The following FRA10AC1 variants were observed in gnomAD, a reference collection of about 807,000 sequenced individuals.
FRA10AC1 encodes the protein FRA10A associated CGG repeat 1.
A neutral mutation model predicts 56.5 loss-of-function variants in FRA10AC1; 43 were observed. That is an observed-to-expected ratio of 0.76 (90% CI 0.60 to 0.98). FRA10AC1 has a LOEUF of 0.98. Ranked by LOEUF, FRA10AC1 falls within the 50% of genes least tolerant of loss-of-function variation. The probability of loss-of-function intolerance (pLI) is 0.00; values close to 1 mark genes in which losing one functional copy is unlikely to be tolerated. For synonymous variants in FRA10AC1, 112 were observed against 110.5 expected, an observed-to-expected ratio of 1.01 and a Z score of -0.09; for missense variants, 346 against 351.8, an observed-to-expected ratio of 0.98 and a Z score of 0.13.
In FRA10AC1 at chr10:93,668,762, G is replaced by GGGGAAACC. The variant is rs1322351195; in HGVS notation, c.*1056_*1063dup. 6.6e-6 allele frequency: 1 copy of GGGGAAACC among 152,096 alleles called. No homozygotes were observed. The highest frequency in any genetic ancestry group is 2.4e-5 in the African/African-American group (1 of 41,398). 9.4% of individuals were successfully genotyped at this position (152,096 alleles called of 1,614,324 possible). A position where few individuals can be genotyped will look rare whatever the true frequency, so the allele number is the denominator to read the frequency against. On this transcript the variant is annotated 3_prime_UTR_variant, in exon 14 of 14. Transcript: ENST00000359204. ...TATTCACTACCACAAGAACAATATG[G>GGGGAAACC]GGGAAACCGCCCCCTTGATTCAAAT...
intron 8 of FRA10AC1, among the ~76,000 whole-genome samples, chr10:93,686,019 A>G (rs954297618): frequency 2.6e-5 from 4 of 151,834 alleles, no homozygotes. Flanking sequence ...CCAAAAAAAG[A>G]CTAACTGATA....
At chr10:93,675,277 A>G (rs775178314) in intron 12 of FRA10AC1, 10 of 152,196 alleles carry the variant, frequency 6.6e-5, no homozygotes, top group Non-Finnish European at 1.0e-4. Flanking sequence ...TCTTGTTAAG[A>G]ATTATACTAA....
In FRA10AC1 at chr10:93,694,856, CTT is replaced by C. The variant is rs1303789154; in HGVS notation, c.296+3_296+4del. On this transcript the variant is annotated splice_donor_region_variant and intron_variant, in intron 5 of 13. Coordinates refer to ENST00000359204, the MANE Select transcript of FRA10AC1 (RefSeq NM_145246.5). ...TCCCTTCTATGTAAACTTCCTGATA[CTT>C]ACCCCAAACGCTTGAAGTCTTCTTT... 6.6e-7 allele frequency: 1 copy of C among 1,519,968 alleles called. No individual in the cohort carries two copies. Among genetic ancestry groups the C allele is most frequent in the Admixed American group, 1.7e-5 (1 of 58,114 alleles). The allele number at this position is 1,519,968 out of a possible 1,614,324, so 94.2% of individuals were successfully genotyped here.
chr10:93,701,895 C>T (rs2133951230), intron 1 of FRA10AC1, among the ~76,000 whole-genome samples: 1 of 151,956 alleles, frequency 6.6e-6, no homozygotes, highest in Admixed American at 6.6e-5. Flanking sequence ...GTTCCTTAAC[C>T]TCTCCAAGCC....
At chr10:93,670,605 T>C (rs1296252138) in intron 13 of FRA10AC1, among the ~76,000 whole-genome samples, 165 bp downstream of exon 13, 1 of 152,146 alleles carries the variant, frequency 6.6e-6, no homozygotes, top group African/African-American at 2.4e-5. Flanking sequence ...ATGTGTTGGC[T>C]GCTTATGACA....
intron 12 of FRA10AC1, chr10:93,674,663 T>C (rs181487571): frequency 6.6e-6 from 1 of 152,126 alleles, no homozygotes; most frequent in East Asian, 1.9e-4. Context: ...TAAAAGAGCA[T>C]TAAGGGCTAT....
chr10:93,680,079 A>G (rs952338571), intron 11 of FRA10AC1, among the ~76,000 whole-genome samples: 5 of 152,152 alleles, frequency 3.3e-5, no homozygotes, highest in African/African-American at 4.8e-5. Context: ...CCTGAACCTG[A>G]GCATTCATCT....
chr10:93,672,072 C>T, intron 12 of FRA10AC1: 1 of 450,904 alleles, frequency 2.2e-6, no homozygotes, highest in South Asian at 1.6e-5. Flanking sequence ...CAACTCCTCT[C>T]CAATAATGAT....
At chr10:93,676,588 A>T in intron 12 of FRA10AC1, 65 bp downstream of exon 12, 2 of 1,492,932 alleles carry the variant, frequency 1.3e-6, no homozygotes, top group South Asian at 1.3e-5. Context: ...GATACGATTC[A>T]TGGGAAATCT....
chr10:93,702,516 A>ACCGCCGCCGCCGCCGCCGCCG lies in FRA10AC1; in HGVS notation c.-143_-142insCGGCGGCGGCGGCGGCGGCGG, dbSNP rs1346769827. The stretch of plus-strand genomic sequence containing the variant: ...CGCCCTGCCGCACAGCCTCGCCACA[A>ACCGCCGCCGCCGCCGCCGCCG]CCACCACCGCCGCCGCCGCCGCCGC... On this transcript the variant is annotated 5_prime_UTR_variant, in exon 1 of 14. Transcript: ENST00000359204. 2 of 151,816 alleles carry ACCGCCGCCGCCGCCGCCGCCG rather than the reference A, an allele frequency of 1.3e-5. No homozygotes were observed. The highest frequency in any genetic ancestry group is 3.0e-4 in the East Asian group (1 of 3,314). The allele number at this position is 151,816 out of a possible 1,614,324, so 9.4% of individuals were successfully genotyped here. A position where few individuals can be genotyped will look rare whatever the true frequency, so the allele number is the denominator to read the frequency against.
At position 93,678,616 on chromosome 10, in the gene FRA10AC1, A is replaced by G. The variant is rs115235882; in HGVS notation, c.788-1925T>C. 8.7e-3 allele frequency among the ~76,000 whole-genome samples: 1,317 copies of G among 152,246 alleles called. 24 individuals carry two copies. The highest frequency in any genetic ancestry group is 0.03 in the African/African-American group (1,236 of 41,556). On this transcript the variant is annotated intron_variant, in intron 11 of 13. Transcript: ENST00000359204. ...GGGGCCAAGGTGAGAGAATTGCTTGAGGCCAGGAGTTTGAGACCAGTCTGG... is the reference window on the plus strand; with the variant it reads ...GGGGCCAAGGTGAGAGAATTGCTTGGGGCCAGGAGTTTGAGACCAGTCTGG...
In FRA10AC1 at chr10:93,687,393, T is replaced by C. The variant is rs767479120; in HGVS notation, c.511+11A>G. The C allele has an allele frequency of 4.7e-6, 7 of 1,489,860 alleles. No individual in the cohort carries two copies. The highest frequency in any genetic ancestry group is 5.5e-6 in the Non-Finnish European group (6 of 1,099,986). 92.3% of individuals were successfully genotyped at this position (1,489,860 alleles called of 1,614,324 possible). On this transcript the variant is annotated intron_variant, in intron 8 of 13. Transcript: ENST00000359204. ...TTATCCTATTAAAAAGTAAAAATTT[T>C]AAAGAATTACCTTTTCCTGAAATTA...
chr10:93,677,708 T>C (rs1268223912), intron 11 of FRA10AC1, among the ~76,000 whole-genome samples: 1 of 152,216 alleles, frequency 6.6e-6, no homozygotes, highest in Non-Finnish European at 1.5e-5. Context: ...AACAATCACA[T>C]AATATACAAC....
At chr10:93,700,918 T>TC (rs1277460732) in intron 1 of FRA10AC1, among the ~76,000 whole-genome samples, 1 of 152,152 alleles carries the variant, frequency 6.6e-6, no homozygotes, top group Non-Finnish European at 1.5e-5. Context: ...ATCCTCAACC[T>TC]CCTGGGCTCA....
intron 2 of FRA10AC1, among the ~76,000 whole-genome samples, chr10:93,698,997 C>G (rs1197654790): frequency 1.3e-5 from 2 of 152,182 alleles, no homozygotes; most frequent in Admixed American, 1.3e-4. Context: ...TGTGAACCAA[C>G]AGATTCACAA....
intron 12 of FRA10AC1, chr10:93,674,592 A>G (rs1162519710): frequency 6.6e-6 from 1 of 152,200 alleles, no homozygotes; most frequent in African/African-American, 2.4e-5. Flanking sequence ...CAGATTGGAT[A>G]TAGTCTTCAC....
intron 10 of FRA10AC1, among the ~76,000 whole-genome samples, chr10:93,683,640 C>A (rs992186085): frequency 6.6e-6 from 1 of 152,154 alleles, no homozygotes; most frequent in Non-Finnish European, 1.5e-5. Context: ...CATGAGCCAC[C>A]GCGCCTGTTC....
At chr10:93,688,903 T>C (rs181299205) in intron 7 of FRA10AC1, among the ~76,000 whole-genome samples, 2 of 152,270 alleles carry the variant, frequency 1.3e-5, no homozygotes. Flanking sequence ...TTGTCACTCA[T>C]TAGGTCTTAA....
At chr10:93,677,526 G>A (rs757552191) in intron 11 of FRA10AC1, among the ~76,000 whole-genome samples, 4 of 152,158 alleles carry the variant, frequency 2.6e-5, no homozygotes, top group African/African-American at 7.2e-5. Context: ...TAAAAAAGAC[G>A]TTAGGCTTAA....
Sources: allele counts gnomAD v4.1 joint callset (sites outside exome capture counted in the v4.1 genomes callset), GRCh38; gene constraint gnomAD v4.1.1; transcripts MANE v1.5; gene names NCBI Gene and HGNC (gene_info 2026-07-23, HGNC 2026-07-21).